The following TTBK2 variants were observed in gnomAD, a reference collection of about 807,000 sequenced individuals.
TTBK2 encodes tau tubulin kinase 2, also known as tau-tubulin kinase 2.
A neutral mutation model predicts 110.8 loss-of-function variants in TTBK2; 28 were observed. The ratio of observed to expected loss-of-function variants is 0.25; its 90% CI spans 0.19 to 0.35. The LOEUF (loss-of-function observed/expected upper bound fraction) is 0.35, where lower values mean the gene tolerates loss of function less well. TTBK2 is among the 10% of genes least tolerant of loss of function. The probability of loss-of-function intolerance (pLI) is 1.00; values close to 1 mark genes in which losing one functional copy is unlikely to be tolerated. For synonymous variants in TTBK2, 532 were observed against 527.3 expected, an observed-to-expected ratio of 1.01 and a Z score of -0.12; for missense variants, 1,369 against 1,500.3, an observed-to-expected ratio of 0.91 and a Z score of 1.45.
chr15:42,804,303 GC>G, intron 9 of TTBK2, among the ~76,000 whole-genome samples: 1 of 151,964 alleles, frequency 6.6e-6, no homozygotes, highest in East Asian at 1.9e-4. Context: ...AATTAGCTGG[GC>G]GTGGTAGCAC....
intron 4 of TTBK2, among the ~76,000 whole-genome samples, chr15:42,839,941 C>T (rs1234691884): frequency 6.6e-6 from 1 of 152,134 alleles, no homozygotes; most frequent in East Asian, 1.9e-4. Flanking sequence ...ATTTTCCAAC[C>T]TCCAGAATGG....
intron 7 of TTBK2, among the ~76,000 whole-genome samples, chr15:42,812,912 T>C (rs1267545147): frequency 1.3e-5 from 2 of 151,464 alleles, no homozygotes; most frequent in African/African-American, 2.4e-5. Flanking sequence ...AAAACAGATA[T>C]GAAGAAATTA....
intron 3 of TTBK2, among the ~76,000 whole-genome samples, chr15:42,858,462 A>T (rs551046365): frequency 6.6e-6 from 1 of 152,284 alleles, no homozygotes; most frequent in South Asian, 2.1e-4. Flanking sequence ...ATTAAGACTG[A>T]GCTGAGTTTT....
Position 42,745,691 on chromosome 15 carries a change from A to G in TTBK2, c.*104T>C. The stretch of plus-strand genomic sequence containing the variant: ...ATTGATCATGTTACTTTCTTTTGCA[A>G]GAGAAGATCAACACTGATTTTTTTA... On this transcript the variant is annotated 3_prime_UTR_variant, in exon 15 of 15. Transcript: ENST00000267890. 2.2e-6 allele frequency: 3 copies of G among 1,359,314 alleles called. No homozygotes were observed. In the South Asian group the frequency reaches 3.5e-5, roughly 16 times the overall value. 84.2% of individuals were successfully genotyped at this position (1,359,314 alleles called of 1,614,324 possible). A position where few individuals can be genotyped will look rare whatever the true frequency, so the allele number is the denominator to read the frequency against.
intron 3 of TTBK2, among the ~76,000 whole-genome samples, chr15:42,847,103 C>A (rs985801487): frequency 6.6e-6 from 1 of 152,138 alleles, no homozygotes. Flanking sequence ...ATCAAGGGAG[C>A]CCCAGGTTGC....
intron 1 of TTBK2, among the ~76,000 whole-genome samples, chr15:42,894,498 T>A (rs376503861): frequency 1.3e-5 from 2 of 152,288 alleles, no homozygotes; most frequent in South Asian, 4.1e-4. Flanking sequence ...ATGTTTGTAA[T>A]CTTAGTACTG....
intron 11 of TTBK2, among the ~76,000 whole-genome samples, chr15:42,781,240 G>A (rs1257557065): frequency 1.3e-5 from 2 of 151,476 alleles, no homozygotes; most frequent in Non-Finnish European, 2.9e-5. Context: ...ATTATATAAA[G>A]AAAAACAAAA....
At chr15:42,895,480 C>A (rs1048792566) in intron 1 of TTBK2, among the ~76,000 whole-genome samples, 21 of 151,930 alleles carry the variant, frequency 1.4e-4, no homozygotes, top group African/African-American at 4.4e-4. Flanking sequence ...TACACATGTA[C>A]CCCTTGGACC....
At chr15:42,847,346 T>C (rs1471835383) in intron 3 of TTBK2, among the ~76,000 whole-genome samples, 3 of 152,262 alleles carry the variant, frequency 2.0e-5, no homozygotes, top group Non-Finnish European at 4.4e-5. Flanking sequence ...GCAGGTGATT[T>C]GCAAATATTT....
intron 13 of TTBK2, among the ~76,000 whole-genome samples, chr15:42,770,452 T>G (rs1411641022): frequency 6.6e-6 from 1 of 152,164 alleles, no homozygotes; most frequent in Non-Finnish European, 1.5e-5. Flanking sequence ...GTTGCACACA[T>G]GAGTATATCA....
At chr15:42,886,763 G>A (rs1468790696) in intron 1 of TTBK2, among the ~76,000 whole-genome samples, 1 of 152,228 alleles carries the variant, frequency 6.6e-6, no homozygotes, top group African/African-American at 2.4e-5. Flanking sequence ...CAGCGGTCAG[G>A]CGTTCCTTCA....
chr15:42,911,961 T>TACACACACACAC (rs10545933), intron 1 of TTBK2, among the ~76,000 whole-genome samples: 90 of 149,852 alleles, frequency 6.0e-4, no homozygotes, highest in African/African-American at 2.1e-3. Context: ...ATGAGTTAAA[T>TACACACACACAC]ACACACACAC....
At chr15:42,809,538 T>C (rs1884728919) in intron 9 of TTBK2, among the ~76,000 whole-genome samples, 1 of 151,124 alleles carries the variant, frequency 6.6e-6, no homozygotes, top group Admixed American at 6.6e-5. Flanking sequence ...TTGAATCTAG[T>C]CTTACAGGTA....
chr15:42,752,555 A>G lies in TTBK2; in HGVS notation c.2691T>C (p.Ser897=). The G allele has an allele frequency of 6.2e-7, 1 of 1,614,198 alleles. No homozygotes were observed. Among genetic ancestry groups the G allele is most frequent in the South Asian group, 1.1e-5 (1 of 91,080 alleles). ...TCTTGCCCTCTTGGTGCAAAAAAGT[A>G]GAGAGGTCTCCTTGATGACCTGGCA... is the stretch of plus-strand genomic sequence containing the variant. The part of the protein sequence containing the change: ...EDLPGHQGDL[S]TFLHQEGKRE... Residue 897 remains serine, a synonymous_variant, in exon 14 of 15, where the codon TCT becomes TCC. Transcript: ENST00000267890.
chr15:42,860,796 C>T (rs1003514703), intron 3 of TTBK2, among the ~76,000 whole-genome samples: 7 of 151,660 alleles, frequency 4.6e-5, no homozygotes, highest in African/African-American at 1.7e-4. Flanking sequence ...CTCCCAAGTG[C>T]ACCACCATGC....
intron 1 of TTBK2, among the ~76,000 whole-genome samples, chr15:42,907,124 T>A (rs375440024): frequency 6.6e-6 from 1 of 151,904 alleles, no homozygotes; most frequent in South Asian, 2.1e-4. Flanking sequence ...AAAATAGAGA[T>A]TAATATGATA....
At chr15:42,897,037 C>T (rs1267404135) in intron 1 of TTBK2, among the ~76,000 whole-genome samples, 1 of 151,936 alleles carries the variant, frequency 6.6e-6, no homozygotes, top group African/African-American at 2.4e-5. Context: ...TGCCACCACA[C>T]CTGGCTAATT....
intron 3 of TTBK2, chr15:42,871,616 CACT>C: frequency 1.0e-6 from 1 of 984,416 alleles, no homozygotes; most frequent in Non-Finnish European, 1.2e-6. Context: ...GCCTCTACAC[CACT>C]GAGTTGAGAA....
intron 10 of TTBK2, among the ~76,000 whole-genome samples, chr15:42,786,332 T>C (rs1179363289): frequency 6.6e-6 from 1 of 152,208 alleles, no homozygotes; most frequent in Admixed American, 6.5e-5. Flanking sequence ...AATTTATTTA[T>C]TGATAAAAGA....
Sources: allele counts gnomAD v4.1 joint callset (sites outside exome capture counted in the v4.1 genomes callset), GRCh38; gene constraint gnomAD v4.1.1; transcripts MANE v1.5; gene names NCBI Gene and HGNC (gene_info 2026-07-23, HGNC 2026-07-21).